The following CEP83 variants were observed in gnomAD, a reference collection of about 807,000 sequenced individuals.
CEP83 encodes centrosomal protein 83.
A neutral mutation model predicts 101.9 loss-of-function variants in CEP83; 70 were observed. That is an observed-to-expected ratio of 0.69 (90% confidence interval 0.57 to 0.84). The LOEUF (loss-of-function observed/expected upper bound fraction) is 0.84. Among genes scored for constraint, CEP83 ranks in the 40% least tolerant of loss-of-function variants. CEP83 has a pLI of 0.00. For synonymous variants in CEP83, 264 were observed against 267.9 expected (o/e 0.99, Z 0.14); for missense variants, 715 against 787.2 (o/e 0.91, Z 1.10).
intron 1 of CEP83, among the ~76,000 whole-genome samples, chr12:94,445,658 T>A (rs796460953): frequency 7.9e-5 from 12 of 152,316 alleles, no homozygotes; most frequent in African/African-American, 1.7e-4. Flanking sequence ...ACAATCAAAA[T>A]TTTTTTAATG....
chr12:94,320,665 G>A (rs919674273), intron 14 of CEP83, among the ~76,000 whole-genome samples: 2 of 152,142 alleles, frequency 1.3e-5, no homozygotes, highest in African/African-American at 4.8e-5. Context: ...GGTTAGTTTG[G>A]CTGGATATGA....
the CEP83 span, among the ~76,000 whole-genome samples, chr12:94,291,500 G>A: frequency 6.6e-6 from 1 of 152,070 alleles, no homozygotes; most frequent in Non-Finnish European, 1.5e-5. Context: ...CAAAGAGCTG[G>A]GATTACAGTC....
chr12:94,311,306 T>A (rs771389695), intron 15 of CEP83, among the ~76,000 whole-genome samples: 3 of 152,214 alleles, frequency 2.0e-5, no homozygotes, highest in Non-Finnish European at 4.4e-5. Flanking sequence ...TTTTGTAATA[T>A]CCTTTCTAGT....
chr12:94,423,727 G>A, intron 2 of CEP83: 1 of 1,610,752 alleles, frequency 6.2e-7, no homozygotes, highest in Non-Finnish European at 8.5e-7. Context: ...GTAAAGATGG[G>A]GAGGGGAATC....
At chr12:94,374,111 C>T (rs1228181973) in intron 8 of CEP83, among the ~76,000 whole-genome samples, 5 of 152,042 alleles carry the variant, frequency 3.3e-5, no homozygotes, top group African/African-American at 1.2e-4. Flanking sequence ...GTTCTTTCTT[C>T]AGCGGAGTAG....
At chr12:94,353,481 A>G (rs2060296087) in intron 11 of CEP83, among the ~76,000 whole-genome samples, 1 of 152,170 alleles carries the variant, frequency 6.6e-6, no homozygotes, top group Admixed American at 6.5e-5. Flanking sequence ...AATCCACCAA[A>G]CCACAAAGAT....
chr12:94,292,292 G>A, the CEP83 span, among the ~76,000 whole-genome samples: 1 of 152,132 alleles, frequency 6.6e-6, no homozygotes, highest in Non-Finnish European at 1.5e-5. Context: ...GGATGAAGAT[G>A]GGGTGGTCAT....
chr12:94,396,569 T>C (rs1053353401), intron 6 of CEP83, among the ~76,000 whole-genome samples: 2 of 152,138 alleles, frequency 1.3e-5, no homozygotes, highest in African/African-American at 4.8e-5. Flanking sequence ...ATTACAAATA[T>C]GAGGCACCAC....
At chr12:94,442,011 ATGAAAAAGACACT>A (rs1164687492) in intron 1 of CEP83, among the ~76,000 whole-genome samples, 4 of 152,138 alleles carry the variant, frequency 2.6e-5, no homozygotes, top group African/African-American at 9.6e-5. Flanking sequence ...AAGTCATTAT[ATGAAAAAGACACT>A]TGAACATGCA....
At chr12:94,387,207 C>A (rs2062198579) in intron 6 of CEP83, among the ~76,000 whole-genome samples, 2 of 152,158 alleles carry the variant, frequency 1.3e-5, no homozygotes, top group Admixed American at 1.3e-4. Flanking sequence ...AAACCCTAGG[C>A]CATGGACCAT....
At chr12:94,452,034 T>C (rs2067291780) in intron 1 of CEP83, among the ~76,000 whole-genome samples, 9 of 152,086 alleles carry the variant, frequency 5.9e-5, no homozygotes, top group Admixed American at 5.2e-4. Flanking sequence ...GAACAAAACA[T>C]TGATATACAT....
intron 15 of CEP83, chr12:94,312,674 T>TA: frequency 1.0e-6 from 1 of 985,390 alleles, no homozygotes; most frequent in Non-Finnish European, 1.2e-6. Flanking sequence ...CCAAAGCCAG[T>TA]GACATTTTCT....
chr12:94,310,831 T>C (rs1565888099), intron 15 of CEP83, among the ~76,000 whole-genome samples: 1 of 152,298 alleles, frequency 6.6e-6, no homozygotes, highest in East Asian at 1.9e-4. Flanking sequence ...AGTGTAATAT[T>C]TTAGTAAGAA....
chr12:94,421,531 T>A (rs535245273), intron 2 of CEP83, among the ~76,000 whole-genome samples: 15 of 152,350 alleles, frequency 9.8e-5, no homozygotes, highest in African/African-American at 3.4e-4. Context: ...ATTCATTTTT[T>A]AAAAATTTAT....
At chr12:94,391,460 C>T (rs991025786) in intron 6 of CEP83, among the ~76,000 whole-genome samples, 1 of 152,158 alleles carries the variant, frequency 6.6e-6, no homozygotes, top group Non-Finnish European at 1.5e-5. Flanking sequence ...GCCTCCCTTA[C>T]AAGAGCTCCT....
Position 94,412,407 on chromosome 12 carries a change from C to T in CEP83, c.84G>A (p.Gln28=), listed in dbSNP as rs763124687. 6.2e-7 allele frequency: 1 copy of T among 1,612,782 alleles called. No individual in the cohort carries two copies. Among genetic ancestry groups the T allele is most frequent in the South Asian group, 1.1e-5 (1 of 90,880 alleles). ...CAATTAACATTTTCTGGAACTCCGACTGAGAACCTGTCAATCCACTGTCTC... is the reference window on the plus strand; with the variant it reads ...CAATTAACATTTTCTGGAACTCCGATTGAGAACCTGTCAATCCACTGTCTC... ...PGGDSGLTGS[Q]SEFQKMLIDE... Residue 28 remains glutamine, a synonymous_variant, in exon 3 of 17, where the codon CAG becomes CAA. Transcript: ENST00000397809.
chr12:94,316,895 G>A (rs1350398050), intron 14 of CEP83, among the ~76,000 whole-genome samples: 2 of 152,046 alleles, frequency 1.3e-5, no homozygotes, highest in African/African-American at 2.4e-5. Flanking sequence ...ATATGCATGT[G>A]TCTTTATGGC....
chr12:94,334,724 A>T (rs1374577553), intron 12 of CEP83, among the ~76,000 whole-genome samples: 1 of 152,192 alleles, frequency 6.6e-6, no homozygotes, highest in Non-Finnish European at 1.5e-5. Context: ...TTAGCAGAAT[A>T]AAACTAAACG....
intron 11 of CEP83, among the ~76,000 whole-genome samples, chr12:94,337,741 A>T (rs899467269): frequency 1.3e-5 from 2 of 152,204 alleles, no homozygotes; most frequent in African/African-American, 2.4e-5. Flanking sequence ...GAAAAATAAG[A>T]GTCCGAGATA....
Sources: allele counts gnomAD v4.1 joint callset (sites outside exome capture counted in the v4.1 genomes callset), GRCh38; gene constraint gnomAD v4.1.1; transcripts MANE v1.5; gene names NCBI Gene and HGNC (gene_info 2026-07-23, HGNC 2026-07-21).